CFAP20DC: variants seen among roughly 807,000 people sequenced by gnomAD.
The protein encoded by CFAP20DC is protein CFAP20DC.
A neutral mutation model predicts 101.7 loss-of-function variants in CFAP20DC; 84 were observed. That is an observed-to-expected ratio of 0.83 (90% CI 0.69 to 0.99). The LOEUF (loss-of-function observed/expected upper bound fraction) is 0.99. Ranked by LOEUF, CFAP20DC falls within the 50% of genes least tolerant of loss-of-function variation. The pLI is 0.00. For synonymous variants in CFAP20DC, 359 were observed against 351.2 expected, an observed-to-expected ratio of 1.02 and a Z score of -0.25; for missense variants, 1,007 against 970.3, an observed-to-expected ratio of 1.04 and a Z score of -0.50.
chr3:58,848,814 C>A (rs998596526), intron 13 of CFAP20DC, among the ~76,000 whole-genome samples: 1 of 152,130 alleles, frequency 6.6e-6, no homozygotes, highest in African/African-American at 2.4e-5. Context: ...AATTATCTTT[C>A]TCATTAAAAA....
intron 4 of CFAP20DC, among the ~76,000 whole-genome samples, chr3:58,993,417 TTC>T (rs2093005623): frequency 6.6e-6 from 1 of 152,144 alleles, no homozygotes; most frequent in Admixed American, 6.5e-5. Flanking sequence ...CATGGTGAAT[TTC>T]TTTTTTTTTT....
intron 4 of CFAP20DC, among the ~76,000 whole-genome samples, chr3:59,011,443 A>G (rs2093581884): frequency 6.6e-6 from 1 of 151,990 alleles, no homozygotes; most frequent in Non-Finnish European, 1.5e-5. Context: ...ACAACAGACA[A>G]TATATGTCAC....
At chr3:59,045,253 A>G (rs1260226002) in intron 3 of CFAP20DC, among the ~76,000 whole-genome samples, 1 of 152,040 alleles carries the variant, frequency 6.6e-6, no homozygotes, top group Non-Finnish European at 1.5e-5. Context: ...CAGAACCTAT[A>G]TAAGTTTAGA....
At chr3:58,980,161 C>A (rs1032012231) in intron 4 of CFAP20DC, among the ~76,000 whole-genome samples, 1 of 152,192 alleles carries the variant, frequency 6.6e-6, no homozygotes. Flanking sequence ...TGGCTTCCCA[C>A]TACCGAGCTT....
At chr3:58,906,403 C>G (rs184520624) in intron 6 of CFAP20DC, among the ~76,000 whole-genome samples, 4 of 152,282 alleles carry the variant, frequency 2.6e-5, no homozygotes, top group Admixed American at 2.6e-4. Context: ...ACTCACAGGA[C>G]AGGAACTGAG....
intron 13 of CFAP20DC, among the ~76,000 whole-genome samples, chr3:58,836,101 C>T (rs1296786225): frequency 3.3e-5 from 5 of 152,128 alleles, no homozygotes; most frequent in Admixed American, 6.5e-5. Context: ...TCAATCCATT[C>T]ATTTTCACTG....
chr3:58,741,962 C>G (rs200276364), downstream of CFAP20DC: 10 of 502,122 alleles, frequency 2.0e-5, no homozygotes, highest in East Asian at 1.1e-3. Context: ...TAGGAATATT[C>G]TGGAAAAGAA....
chr3:58,829,483 A>G (rs2076255484), intron 14 of CFAP20DC, among the ~76,000 whole-genome samples: 1 of 152,142 alleles, frequency 6.6e-6, no homozygotes, highest in South Asian at 2.1e-4. Flanking sequence ...ACTCTATACA[A>G]GCAGCAAGAC....
At chr3:58,756,224 C>T (rs927693509) in intron 15 of CFAP20DC, among the ~76,000 whole-genome samples, 5 of 152,030 alleles carry the variant, frequency 3.3e-5, no homozygotes, top group African/African-American at 9.7e-5. Context: ...TTTGTAACCC[C>T]CCTCTGACAG....
At chr3:58,825,338 T>G (rs1214868789) in intron 14 of CFAP20DC, among the ~76,000 whole-genome samples, 6 of 152,202 alleles carry the variant, frequency 3.9e-5, no homozygotes, top group Non-Finnish European at 8.8e-5. Flanking sequence ...ACCAGGCACA[T>G]GCATTTCATG....
chr3:58,825,678 T>A (rs984810058), intron 14 of CFAP20DC, among the ~76,000 whole-genome samples: 7 of 152,184 alleles, frequency 4.6e-5, no homozygotes, highest in African/African-American at 1.7e-4. Context: ...TTTGAATAAA[T>A]CTCACGAGGG....
At chr3:58,977,970 C>T (rs2108458216) in intron 4 of CFAP20DC, among the ~76,000 whole-genome samples, 1 of 152,226 alleles carries the variant, frequency 6.6e-6, no homozygotes, top group South Asian at 2.1e-4. Flanking sequence ...CTGGGGAAAG[C>T]CCAGCCCCTT....
chr3:58,778,890 A>G (rs1216668523), intron 15 of CFAP20DC, among the ~76,000 whole-genome samples: 2 of 152,238 alleles, frequency 1.3e-5, no homozygotes, highest in Non-Finnish European at 2.9e-5. Flanking sequence ...TACAGAGACT[A>G]CACTACTGCA....
intron 4 of CFAP20DC, among the ~76,000 whole-genome samples, chr3:59,031,648 A>G (rs1243451017): frequency 1.3e-5 from 2 of 152,334 alleles, no homozygotes; most frequent in East Asian, 3.9e-4. Flanking sequence ...GAGATTTAAG[A>G]CTGAATAAAA....
chr3:58,772,478 A>C (rs1046940793), intron 15 of CFAP20DC, among the ~76,000 whole-genome samples: 2 of 152,194 alleles, frequency 1.3e-5, no homozygotes, highest in African/African-American at 4.8e-5. Flanking sequence ...AATTAAGGAG[A>C]TGGGACACTA....
At chr3:58,841,828 A>G (rs1174270825) in intron 13 of CFAP20DC, among the ~76,000 whole-genome samples, 2 of 152,228 alleles carry the variant, frequency 1.3e-5, no homozygotes, top group Non-Finnish European at 2.9e-5. Context: ...ATTCTTCAAT[A>G]AGCTCAAACT....
chr3:58,794,120 G>A, intron 15 of CFAP20DC: 1 of 272,344 alleles, frequency 3.7e-6, no homozygotes, highest in Non-Finnish European at 7.6e-6. Flanking sequence ...TGTCCACACA[G>A]TAATTCAAAG....
At position 58,870,283 on chromosome 3, in the gene CFAP20DC, T is replaced by C. The variant is rs1405529617; in HGVS notation, c.742A>G (p.Ile248Val). The change falls in exon 8 of 17, where the codon ATT becomes GTT. Residue 248 changes from isoleucine to valine, a missense_variant. Coordinates refer to ENST00000482387, the MANE Select transcript of CFAP20DC (RefSeq NM_001394063.1). ...TCTTGATTTTTACTGTTCCGTGTAA[T>C]ACTTGTTCCTCTGTTAATGAACTGA... ...SDQFINRGTS[I>V]TRNSKNQDVC... 4 of 1,613,906 alleles carry C rather than the reference T, an allele frequency of 2.5e-6. No homozygotes were observed. The highest frequency in any genetic ancestry group is 3.4e-6 in the Non-Finnish European group (4 of 1,179,914).
Position 59,048,774 on chromosome 3 carries a change from T to A in CFAP20DC, c.21+837A>T, listed in dbSNP as rs542929757. Among the ~76,000 whole-genome samples, 24 of 152,150 alleles carry A rather than the reference T, an allele frequency of 1.6e-4. 1 individual carries two copies. The highest frequency in any genetic ancestry group is 5.8e-4 in the African/African-American group (24 of 41,518). ...ACTGATTAGATACAGTAACAAACGT[T>A]CATCAGAACAGCAGGACTAGCATGG... On this transcript the variant is annotated intron_variant, in intron 1 of 16. Transcript: ENST00000482387.
Sources: gnomAD v4.1 joint callset for allele counts (sites outside exome capture counted in the v4.1 genomes callset) on GRCh38, gnomAD v4.1.1 for gene constraint, MANE v1.5 for transcripts, NCBI Gene and HGNC (gene_info 2026-07-23, HGNC 2026-07-21) for gene names.